Variants in PTPRD observed in about 807,000 individuals in gnomAD.
PTPRD encodes the protein receptor-type tyrosine-protein phosphatase delta.
PTPRD carries 34 observed loss-of-function variants against 214.5 expected under a neutral mutation model. The observed-to-expected ratio is 0.16, with a 90% confidence interval of 0.12 to 0.21. The LOEUF is 0.21. Ranked by LOEUF, PTPRD falls within the 10% of genes least tolerant of loss-of-function variation. The pLI, the probability that PTPRD is intolerant of heterozygous loss-of-function variation, is 1.00. For synonymous variants in PTPRD, 1,128 were observed against 845.7 expected (o/e 1.33, Z -5.79); for missense variants, 2,545 against 2,398.7 (o/e 1.06, Z -1.27).
chr9:10,000,387 A>C (rs1055863541), intron 4 of PTPRD, among the ~76,000 whole-genome samples: 2 of 152,134 alleles, frequency 1.3e-5, no homozygotes, highest in African/African-American at 4.8e-5. Context: ...AGAAACGATC[A>C]AACTCAAAAT....
At chr9:10,047,314 G>C (rs1429655044) in intron 3 of PTPRD, among the ~76,000 whole-genome samples, 1 of 72,516 alleles carries the variant, frequency 1.4e-5, no homozygotes, top group African/African-American at 3.8e-5. Flanking sequence ...TCAACTAACT[G>C]TGTGTGTGTG....
At chr9:9,191,046 G>A (rs2099934832) in intron 9 of PTPRD, among the ~76,000 whole-genome samples, 1 of 152,048 alleles carries the variant, frequency 6.6e-6, no homozygotes, top group Admixed American at 6.6e-5. Flanking sequence ...ATGTAGGCTG[G>A]ACCCAGTGGC....
At chr9:9,161,682 G>A (rs1194546383) in intron 10 of PTPRD, among the ~76,000 whole-genome samples, 1 of 152,032 alleles carries the variant, frequency 6.6e-6, no homozygotes, top group African/African-American at 2.4e-5. Context: ...ATGTCTCCTA[G>A]TGATAAAGAT....
chr9:10,188,536 T>A (rs1347147164), intron 3 of PTPRD, among the ~76,000 whole-genome samples: 2 of 148,572 alleles, frequency 1.3e-5, no homozygotes, highest in African/African-American at 5.2e-5. Context: ...TTTTTCAATA[T>A]TTTTTTTTCA....
chr9:9,020,435 A>G (rs2099562090), intron 10 of PTPRD, among the ~76,000 whole-genome samples: 1 of 152,146 alleles, frequency 6.6e-6, no homozygotes, highest in African/African-American at 2.4e-5. Context: ...ATGACAGTTG[A>G]CATAAAAGAT....
intron 9 of PTPRD, among the ~76,000 whole-genome samples, chr9:9,227,126 G>T (rs1274630545): frequency 6.6e-6 from 1 of 152,022 alleles, no homozygotes; most frequent in Admixed American, 6.6e-5. Flanking sequence ...TTACAAATGA[G>T]GTGAAGTAAC....
Position 9,048,052 on chromosome 9 carries a change from C to T in PTPRD, c.-142-29317G>A, listed in dbSNP as rs117772579. Among the ~76,000 whole-genome samples the T allele has an allele frequency of 8.4e-3, 1,279 of 152,258 alleles. 7 individuals carry two copies. The highest frequency in any genetic ancestry group is 0.02 in the Middle Eastern group (6 of 294). On this transcript the variant is annotated intron_variant, in intron 10 of 45. Coordinates refer to ENST00000381196, the MANE Select transcript of PTPRD (RefSeq NM_002839.4). ...TGGCAAACAGGCATAAGAAAAGGTGCTTGACATCACTGATCATCAGAGAAA... is the reference window on the plus strand; with the variant it reads ...TGGCAAACAGGCATAAGAAAAGGTGTTTGACATCACTGATCATCAGAGAAA...
chr9:8,546,917 T>C (rs1477447817), intron 14 of PTPRD, among the ~76,000 whole-genome samples: 2 of 152,204 alleles, frequency 1.3e-5, no homozygotes, highest in Non-Finnish European at 2.9e-5. Flanking sequence ...GAGCTAAAAT[T>C]GTGGTTTATT....
intron 11 of PTPRD, among the ~76,000 whole-genome samples, chr9:8,843,613 A>C (rs1417279247): frequency 6.6e-6 from 1 of 152,206 alleles, no homozygotes; most frequent in South Asian, 2.1e-4. Context: ...ATTTTAATTA[A>C]GTAAAAAGGA....
chr9:9,176,645 C>G (rs1365744892), intron 10 of PTPRD, among the ~76,000 whole-genome samples: 2 of 152,078 alleles, frequency 1.3e-5, no homozygotes, highest in Admixed American at 6.6e-5. Context: ...TGAATTCATG[C>G]TGTTATAGTA....
intron 4 of PTPRD, among the ~76,000 whole-genome samples, chr9:10,032,345 T>G (rs1279201172): frequency 6.6e-6 from 1 of 152,190 alleles, no homozygotes. Flanking sequence ...TACAATACAG[T>G]GATCATAAAT....
chr9:10,407,463 T>A (rs993396942), intron 2 of PTPRD, among the ~76,000 whole-genome samples: 2 of 151,536 alleles, frequency 1.3e-5, no homozygotes, highest in Non-Finnish European at 3.0e-5. Context: ...AAAATATATA[T>A]CCTACCTACT....
intron 27 of PTPRD, among the ~76,000 whole-genome samples, chr9:8,487,149 A>C (rs547028839): frequency 6.6e-6 from 1 of 152,282 alleles, no homozygotes; most frequent in South Asian, 2.1e-4. Context: ...ATGAATAATA[A>C]ATGAGGAAAT....
chr9:9,954,297 CAAAAAAAAAA>C (rs781628679), intron 4 of PTPRD, among the ~76,000 whole-genome samples: 948 of 53,802 alleles, frequency 0.018, 13 homozygotes, highest in African/African-American at 0.044. Context: ...TGTCTCAAAA[CAAAAAAAAAA>C]AAAAAAAAAA....
At position 9,816,453 on chromosome 9, in the gene PTPRD, T is replaced by C. The variant is rs144267942; in HGVS notation, c.-367-49602A>G. Among the ~76,000 whole-genome samples the C allele has an allele frequency of 8.0e-3, 1,221 of 152,188 alleles. 10 individuals carry two copies. Among genetic ancestry groups the C allele is most frequent in the African/African-American group, 0.027 (1,142 of 41,540 alleles). On this transcript the variant is annotated intron_variant, in intron 5 of 45. Transcript: ENST00000381196. ...CATCATAATTGCTAAAGTGCTTTGG[T>C]ACATTTACATAAATCTCACTATTTG...
intron 8 of PTPRD, among the ~76,000 whole-genome samples, chr9:9,459,240 T>C (rs1482580508): frequency 6.6e-6 from 1 of 151,950 alleles, no homozygotes; most frequent in African/African-American, 2.4e-5. Context: ...AAGGAACCCA[T>C]ACATCATACT....
At chr9:9,461,865 C>T (rs1005525281) in intron 8 of PTPRD, among the ~76,000 whole-genome samples, 7 of 152,134 alleles carry the variant, frequency 4.6e-5, no homozygotes, top group African/African-American at 1.4e-4. Context: ...TCACGGATGA[C>T]TTCTGATCCT....
rs192578632 is a variant in PTPRD at position 9,508,926 on chromosome 9, C to T, written c.-237+65806G>A. ...AGTCTGTATATCACCCTTGCATTTA[C>T]CATATATATATTAATTACATGTTAC... On this transcript the variant is annotated intron_variant, in intron 8 of 45. Coordinates refer to ENST00000381196, the MANE Select transcript of PTPRD (RefSeq NM_002839.4). 3.4e-3 allele frequency among the ~76,000 whole-genome samples: 511 copies of T among 151,574 alleles called. 3 individuals carry two copies. The highest frequency in any genetic ancestry group is 0.011 in the African/African-American group (456 of 41,430).
chr9:9,692,455 C>T (rs995810881), intron 7 of PTPRD, among the ~76,000 whole-genome samples: 2 of 151,888 alleles, frequency 1.3e-5, no homozygotes, highest in African/African-American at 4.8e-5. Context: ...GGATTTGTTT[C>T]TGGGTTGTCT....
Sources: allele counts gnomAD v4.1 joint callset (sites outside exome capture counted in the v4.1 genomes callset), GRCh38; gene constraint gnomAD v4.1.1; transcripts MANE v1.5; gene names NCBI Gene and HGNC (gene_info 2026-07-23, HGNC 2026-07-21).